The following SLK variants were observed in gnomAD, a reference collection of about 807,000 sequenced individuals.
The protein encoded by SLK is STE20 like kinase.
In SLK, 67 loss-of-function variants were observed where a neutral mutation model predicts 147.7. That is an observed-to-expected ratio of 0.45 (90% CI 0.37 to 0.56). The LOEUF is 0.56. Ranked by LOEUF, SLK falls within the 20% of genes least tolerant of loss-of-function variation. The probability of loss-of-function intolerance (pLI) is 0.00; values close to 1 mark genes in which losing one functional copy is unlikely to be tolerated. For missense variants in SLK, 1,136 were observed against 1,438.8 expected (o/e 0.79, Z 3.41); for synonymous variants, 441 against 475.0 (o/e 0.93, Z 0.93).
At position 104,019,828 on chromosome 10, in the gene SLK, G is replaced by A; in HGVS notation, c.3227G>A (p.Arg1076His). Residue 1076 changes from arginine to histidine, a missense_variant, in exon 16 of 19, where the codon CGC becomes CAC. This residue lies in a region of SLK where 327 missense variants were observed against 457.5 expected (regional missense o/e 0.71). Transcript: ENST00000369755. ...QERARLPKIQ[R>H]SEAKTRMAMF... is the part of the protein sequence containing the mutation. ...AGAGCAAGACTGCCCAAGATTCAGC[G>A]CAGTGAAGCCAAGACTCGAATGGCC... The A allele has an allele frequency of 3.7e-6, 6 of 1,613,894 alleles. No homozygotes were observed. The highest frequency in any genetic ancestry group is 2.2e-5 in the East Asian group (1 of 44,886).
At chr10:103,990,617 T>G in intron 1 of SLK, 58 bp from the exon 2 acceptor site, 3 of 1,011,730 alleles carry the variant, frequency 3.0e-6, no homozygotes, top group Non-Finnish European at 4.2e-6. Flanking sequence ...ATTAAAATAA[T>G]AAAAAATTAG....
At chr10:103,996,625 C>T (rs1844178820) in intron 4 of SLK, among the ~76,000 whole-genome samples, 1 of 152,040 alleles carries the variant, frequency 6.6e-6, no homozygotes, top group African/African-American at 2.4e-5. Context: ...GTCTTGATCT[C>T]CTGACCTCGT....
At chr10:104,015,539 A>G (rs529158462) in intron 13 of SLK, among the ~76,000 whole-genome samples, 3 of 152,310 alleles carry the variant, frequency 2.0e-5, no homozygotes, top group African/African-American at 7.2e-5. Flanking sequence ...CTTTATGTGG[A>G]CTGAGACCAA....
intron 11 of SLK, 103 bp downstream of exon 11, chr10:104,006,138 G>T: frequency 8.6e-7 from 1 of 1,159,644 alleles, no homozygotes; most frequent in Non-Finnish European, 1.2e-6. Context: ...CTTGTTCTCT[G>T]ATTGCCAGAT....
intron 1 of SLK, among the ~76,000 whole-genome samples, chr10:103,980,019 G>T (rs811708): frequency 0.14 from 21,603 of 152,088 alleles, 1,765 homozygotes; most frequent in South Asian, 0.18. Flanking sequence ...AACTGGTGTT[G>T]ATTTTTGCTT....
chr10:104,016,888 G>A (rs1844472202), intron 13 of SLK, among the ~76,000 whole-genome samples: 1 of 152,100 alleles, frequency 6.6e-6, no homozygotes, highest in Admixed American at 6.5e-5. Context: ...GCAAGAGGGG[G>A]GATTGCAAGT....
intron 3 of SLK, among the ~76,000 whole-genome samples, 156 bp downstream of exon 3, chr10:103,992,802 T>TA (rs1311801920): frequency 2.0e-5 from 1 of 50,072 alleles, no homozygotes; most frequent in Non-Finnish European, 6.2e-5. Flanking sequence ...ATAATTATAG[T>TA]AAAATTCTAA....
chr10:104,004,129 A>C (rs75294881), intron 9 of SLK, among the ~76,000 whole-genome samples: 3 of 152,152 alleles, frequency 2.0e-5, no homozygotes, highest in Non-Finnish European at 4.4e-5. Context: ...CAGGTGATCC[A>C]TGGGCTGCCC....
At chr10:103,989,464 C>CT (rs68033075) in intron 1 of SLK, among the ~76,000 whole-genome samples, 7 of 78,602 alleles carry the variant, frequency 8.9e-5, no homozygotes, top group African/African-American at 3.1e-4. Context: ...GTGGCAGTTT[C>CT]TTTTTTTTTT....
intron 1 of SLK, among the ~76,000 whole-genome samples, chr10:103,988,794 T>G (rs1351912202): frequency 6.6e-6 from 1 of 152,142 alleles, no homozygotes; most frequent in Non-Finnish European, 1.5e-5. Flanking sequence ...ATATGTGGTT[T>G]TTTTTTTTAC....
intron 9 of SLK, among the ~76,000 whole-genome samples, chr10:104,005,118 GT>G (rs547950242): frequency 0.013 from 1,966 of 151,106 alleles, 34 homozygotes; most frequent in African/African-American, 0.045. Context: ...TGTCAATTTA[GT>G]TTTTTTTTAA....
intron 1 of SLK, among the ~76,000 whole-genome samples, chr10:103,984,353 C>CTT (rs1160557834): frequency 1.3e-5 from 2 of 152,158 alleles, no homozygotes; most frequent in African/African-American, 4.8e-5. Context: ...TTAGACCTAA[C>CTT]TTAACTACCC....
chr10:104,022,482 G>A (rs1343071341), intron 18 of SLK, among the ~76,000 whole-genome samples: 2 of 152,024 alleles, frequency 1.3e-5, no homozygotes, highest in African/African-American at 4.8e-5. Flanking sequence ...CCTTTGTTTT[G>A]GGGGGAGCTT....
intron 1 of SLK, among the ~76,000 whole-genome samples, chr10:103,977,606 G>A (rs1213842927): frequency 2.6e-5 from 4 of 152,156 alleles, no homozygotes; most frequent in East Asian, 1.9e-4. Flanking sequence ...GCAAGACCTC[G>A]TCTCAAACAA....
chr10:103,990,904 A>C (rs1054968371), intron 2 of SLK, 65 bp downstream of exon 2: 1 of 1,001,412 alleles, frequency 1.0e-6, no homozygotes, highest in African/African-American at 1.7e-5. Flanking sequence ...AGAGATGTTT[A>C]TGAATTATTA....
Position 104,008,136 on chromosome 10 carries a change from G to A in SLK, c.2605-41G>A, listed in dbSNP as rs771332651. ...TCTTTACTATAAGGTATTAATATGG[G>A]TGATGGAAAAGTTATCATCTTGAGC... On this transcript the variant is annotated intron_variant, in intron 11 of 18. Transcript: ENST00000369755. 10 of 1,496,948 alleles carry A rather than the reference G, an allele frequency of 6.7e-6. No individual in the cohort carries two copies. In the Admixed American group the frequency reaches 9.4e-5, roughly 14 times the overall value. 92.7% of individuals were successfully genotyped at this position (1,496,948 alleles called of 1,614,324 possible).
Position 104,002,756 on chromosome 10 carries a change from C to T in SLK, c.1578C>T (p.Asp526=). Residue 526 remains aspartate (D), a synonymous_variant, in exon 9 of 19, where the codon GAC becomes GAT. Coordinates refer to ENST00000369755, the MANE Select transcript of SLK (RefSeq NM_014720.4). The part of the protein sequence containing the change: ...VDSEVGLTKE[D]TQEKLGEDDK... ...GTGAAGTTGGGCTTACAAAGGAAGA[C>T]ACCCAAGAGAAATTGGGGGAAGACG... 7 of 1,613,920 alleles carry T rather than the reference C, an allele frequency of 4.3e-6. No homozygotes were observed. The highest frequency in any genetic ancestry group is 2.2e-5 in the East Asian group (1 of 44,876).
Position 104,026,479 on chromosome 10 carries a change from C to G in SLK, c.*759C>G, listed in dbSNP as rs1311611295. 2 of 152,248 alleles carry G rather than the reference C, an allele frequency of 1.3e-5. No individual in the cohort carries two copies. Among genetic ancestry groups the G allele is most frequent in the Non-Finnish European group, 2.9e-5 (2 of 68,000 alleles). 9.4% of individuals were successfully genotyped at this position (152,248 alleles called of 1,614,324 possible). A position where few individuals can be genotyped will look rare whatever the true frequency, so the allele number is the denominator to read the frequency against. On this transcript the variant is annotated 3_prime_UTR_variant, in exon 19 of 19. Coordinates refer to ENST00000369755, the MANE Select transcript of SLK (RefSeq NM_014720.4). ...CTTACCGTTTGATAGAAATTTTCAT[C>G]CTAAAATACATGTACAAAGTTTGGA... is the stretch of plus-strand genomic sequence containing the variant.
intron 1 of SLK, among the ~76,000 whole-genome samples, chr10:103,968,475 A>G (rs143136199): frequency 5.4e-4 from 82 of 152,350 alleles, no homozygotes; most frequent in African/African-American, 1.8e-3. Context: ...AGTTTTAAAT[A>G]TATTTATGGT....
Sources: gnomAD v4.1 joint callset for allele counts (sites outside exome capture counted in the v4.1 genomes callset) on GRCh38, gnomAD v4.1.1 for gene constraint, gnomAD v4.1.1 regional missense constraint, MANE v1.5 for transcripts, NCBI Gene and HGNC (gene_info 2026-07-23, HGNC 2026-07-21) for gene names.